DENND1A: variants seen among roughly 807,000 people sequenced by gnomAD.
DENND1A encodes DENN domain containing 1A, also known as DENN domain-containing protein 1A.
A neutral mutation model predicts 113.7 loss-of-function variants in DENND1A; 51 were observed. The observed-to-expected ratio is 0.45, with a 90% CI of 0.36 to 0.57. The LOEUF is 0.57. DENND1A is among the 20% of genes least tolerant of loss of function. DENND1A has a pLI of 0.00. For synonymous variants in DENND1A, 565 were observed against 570.8 expected, an observed-to-expected ratio of 0.99 and a Z score of 0.14; for missense variants, 1,258 against 1,395.9, an observed-to-expected ratio of 0.90 and a Z score of 1.57.
rs550404377 is a variant in DENND1A at position 123,675,073 on chromosome 9, G to A, written c.372+1647C>T. Among the ~76,000 whole-genome samples the A allele has an allele frequency of 4.6e-5, 7 of 152,262 alleles. 1 individual carries two copies. The South Asian group carries it at 1.0e-3, about 23-fold the overall frequency. ...TCAAAGAGTAATCCACTTCTTTTAC[G>A]ACAGAATCCCCTGACATCTAAGCTT... On this transcript the variant is annotated intron_variant, in intron 6 of 23. Coordinates refer to ENST00000394215, the MANE Select transcript of DENND1A (RefSeq NM_001352964.2).
intron 8 of DENND1A, among the ~76,000 whole-genome samples, chr9:123,664,032 T>G (rs2063377874): frequency 6.6e-6 from 1 of 152,158 alleles, no homozygotes; most frequent in Admixed American, 6.5e-5. Flanking sequence ...GGTTCCCGGT[T>G]GCACACTTTG....
chr9:123,552,780 G>A (rs2057179152), intron 13 of DENND1A, among the ~76,000 whole-genome samples: 1 of 152,244 alleles, frequency 6.6e-6, no homozygotes, highest in Non-Finnish European at 1.5e-5. Flanking sequence ...ATCCCCCTGT[G>A]TCTGCTCACC....
chr9:123,781,299 G>T (rs1831276266), intron 3 of DENND1A, among the ~76,000 whole-genome samples: 1 of 152,272 alleles, frequency 6.6e-6, no homozygotes, highest in African/African-American at 2.4e-5. Flanking sequence ...AAGTATCCTG[G>T]ATTGGATGCT....
chr9:123,426,317 G>C (rs907591640), intron 19 of DENND1A, among the ~76,000 whole-genome samples: 2 of 152,222 alleles, frequency 1.3e-5, no homozygotes, highest in African/African-American at 4.8e-5. Context: ...CGAGGAGAGA[G>C]ACACAGGACC....
intron 5 of DENND1A, among the ~76,000 whole-genome samples, chr9:123,692,820 G>C (rs1032978261): frequency 6.6e-6 from 1 of 152,148 alleles, no homozygotes; most frequent in Non-Finnish European, 1.5e-5. Flanking sequence ...TCTGTGCTCT[G>C]GGCCATTTTG....
intron 12 of DENND1A, among the ~76,000 whole-genome samples, chr9:123,566,016 A>G (rs928980088): frequency 2.0e-5 from 3 of 152,204 alleles, no homozygotes; most frequent in African/African-American, 7.2e-5. Context: ...CTAGGTAGGC[A>G]CAGCTATCCC....
intron 2 of DENND1A, among the ~76,000 whole-genome samples, chr9:123,801,610 CCTG>C (rs1473572278): frequency 6.6e-6 from 1 of 152,162 alleles, no homozygotes; most frequent in Non-Finnish European, 1.5e-5. Context: ...TATTCAGGTC[CCTG>C]CTTTCACTTC....
chr9:123,507,752 G>A (rs902303042), intron 13 of DENND1A, among the ~76,000 whole-genome samples: 5 of 151,476 alleles, frequency 3.3e-5, no homozygotes, highest in Non-Finnish European at 7.4e-5. Context: ...GCTACTTGGG[G>A]GGCTGAGGCT....
intron 11 of DENND1A, among the ~76,000 whole-genome samples, chr9:123,592,125 T>C (rs2059487343): frequency 2.0e-5 from 3 of 152,224 alleles, no homozygotes; most frequent in Admixed American, 1.3e-4. Flanking sequence ...CAATGTCTGA[T>C]TGCAATTAGT....
At chr9:123,803,160 C>T (rs576962707) in intron 2 of DENND1A, among the ~76,000 whole-genome samples, 1 of 152,290 alleles carries the variant, frequency 6.6e-6, no homozygotes, top group South Asian at 2.1e-4. Context: ...TCCAACTACC[C>T]GCCTGCACCC....
intron 18 of DENND1A, among the ~76,000 whole-genome samples, chr9:123,447,915 C>G (rs745658138): frequency 6.6e-6 from 1 of 152,112 alleles, no homozygotes; most frequent in African/African-American, 2.4e-5. Flanking sequence ...TAGATGCGAA[C>G]AATGCTAGAG....
chr9:123,439,857 A>C (rs2046796758), intron 19 of DENND1A: 1 of 152,282 alleles, frequency 6.6e-6, no homozygotes, highest in African/African-American at 2.4e-5. Context: ...AGGTAGTTGA[A>C]AACAGTTGCT....
chr9:123,497,157 G>A (rs200036960), intron 13 of DENND1A, among the ~76,000 whole-genome samples: 4 of 152,188 alleles, frequency 2.6e-5, no homozygotes, highest in Admixed American at 6.5e-5. Flanking sequence ...CGGACCACGT[G>A]GTGTTGGAAG....
At chr9:123,816,206 T>C (rs1045001900) in intron 2 of DENND1A, among the ~76,000 whole-genome samples, 2 of 152,090 alleles carry the variant, frequency 1.3e-5, no homozygotes, top group African/African-American at 4.8e-5. Context: ...TTCACCATGT[T>C]TGTCAGGCTG....
chr9:123,916,430 T>C (rs1455968560), intron 1 of DENND1A, among the ~76,000 whole-genome samples: 1 of 145,490 alleles, frequency 6.9e-6, no homozygotes, highest in Non-Finnish European at 1.5e-5. Flanking sequence ...TAGAGTACAA[T>C]GGCACAATCT....
chr9:123,708,787 C>T (rs182977409), intron 5 of DENND1A, among the ~76,000 whole-genome samples: 2 of 152,010 alleles, frequency 1.3e-5, no homozygotes, highest in South Asian at 2.1e-4. Flanking sequence ...AAAAGACTAC[C>T]GGAGCCTTCT....
At chr9:123,580,296 T>A (rs989661293) in intron 12 of DENND1A, among the ~76,000 whole-genome samples, 1 of 152,240 alleles carries the variant, frequency 6.6e-6, no homozygotes, top group African/African-American at 2.4e-5. Context: ...ATTTGCCATC[T>A]TCAGAAAGAC....
intron 13 of DENND1A, among the ~76,000 whole-genome samples, chr9:123,552,018 CGA>C (rs10657747): frequency 0.058 from 6,865 of 117,502 alleles, 564 homozygotes; most frequent in African/African-American, 0.19. Context: ...AGAGCGAGAG[CGA>C]GAGAGAGAGA....
At chr9:123,655,105 C>T (rs1305857007) in intron 8 of DENND1A, among the ~76,000 whole-genome samples, 4 of 152,232 alleles carry the variant, frequency 2.6e-5, no homozygotes, top group Non-Finnish European at 4.4e-5. Flanking sequence ...TCCTTGAGGA[C>T]ACCCGCTTAC....
Sources: gnomAD v4.1 joint callset for allele counts (sites outside exome capture counted in the v4.1 genomes callset) on GRCh38, gnomAD v4.1.1 for gene constraint, MANE v1.5 for transcripts, NCBI Gene and HGNC (gene_info 2026-07-23, HGNC 2026-07-21) for gene names.